The following IGF2BP3 variants were observed in gnomAD, a reference collection of about 807,000 sequenced individuals.
IGF2BP3 encodes the protein insulin like growth factor 2 mRNA binding protein 3.
Under a neutral mutation model 73.8 loss-of-function variants are expected in IGF2BP3, and 9 were observed. The observed-to-expected ratio is 0.12, with a 90% CI of 0.07 to 0.21. IGF2BP3 has a LOEUF of 0.21. Among genes scored for constraint, IGF2BP3 ranks in the 10% least tolerant of loss-of-function variants. IGF2BP3 has a pLI of 1.00. For synonymous variants in IGF2BP3, 258 were observed against 256.7 expected (o/e 1.01, Z -0.05); for missense variants, 542 against 714.0 (o/e 0.76, Z 2.75).
chr7:23,351,173 A>G, intron 6 of IGF2BP3, 132 bp downstream of exon 6: 1 of 889,194 alleles, frequency 1.1e-6, no homozygotes, highest in South Asian at 1.8e-5. Context: ...AGATTTTTAC[A>G]CATTCCCAAG....
At chr7:23,358,385 G>A (rs772167511) in intron 5 of IGF2BP3, among the ~76,000 whole-genome samples, 1 of 152,124 alleles carries the variant, frequency 6.6e-6, no homozygotes, top group African/African-American at 2.4e-5. Flanking sequence ...GGTGGCTACC[G>A]AGAAACATGG....
intron 3 of IGF2BP3, among the ~76,000 whole-genome samples, chr7:23,382,894 CAAAAAA>C (rs57466793): frequency 5.9e-4 from 29 of 49,116 alleles, no homozygotes; most frequent in African/African-American, 1.9e-3. Flanking sequence ...CTAGCTCTAC[CAAAAAA>C]AAAAAAAAAA....
At chr7:23,439,089 T>C (rs1323175934) in intron 2 of IGF2BP3, among the ~76,000 whole-genome samples, 1 of 151,810 alleles carries the variant, frequency 6.6e-6, no homozygotes, top group Non-Finnish European at 1.5e-5. Flanking sequence ...CAAAAATTTT[T>C]AAAACTAGCT....
intron 3 of IGF2BP3, among the ~76,000 whole-genome samples, chr7:23,392,031 T>C (rs1377884735): frequency 6.6e-6 from 1 of 152,124 alleles, no homozygotes; most frequent in Admixed American, 6.5e-5. Context: ...TAAAAGATAA[T>C]GCACCCAGAT....
intron 2 of IGF2BP3, among the ~76,000 whole-genome samples, chr7:23,449,662 A>G (rs1788151624): frequency 7.1e-6 from 1 of 141,226 alleles, no homozygotes; most frequent in South Asian, 2.2e-4. Flanking sequence ...GGCTGAAGGG[A>G]TTCTCGTGCC....
chr7:23,450,894 A>T (rs552759192), intron 2 of IGF2BP3, among the ~76,000 whole-genome samples: 46 of 151,838 alleles, frequency 3.0e-4, no homozygotes, highest in African/African-American at 1.1e-3. Context: ...TTAAAAAGGA[A>T]TTTTTTTTTA....
intron 2 of IGF2BP3, among the ~76,000 whole-genome samples, chr7:23,456,801 G>A (rs569870300): frequency 7.9e-5 from 12 of 152,332 alleles, no homozygotes; most frequent in African/African-American, 2.6e-4. Context: ...CGTAATCCCA[G>A]CACTTTGGGA....
intron 2 of IGF2BP3, among the ~76,000 whole-genome samples, chr7:23,430,387 A>G (rs1462322177): frequency 1.3e-5 from 2 of 152,212 alleles, no homozygotes; most frequent in Non-Finnish European, 2.9e-5. Context: ...TTCTTATGCA[A>G]AAAAACTGGA....
chr7:23,437,922 C>T (rs1177465720), intron 2 of IGF2BP3, among the ~76,000 whole-genome samples: 3 of 152,152 alleles, frequency 2.0e-5, no homozygotes, highest in Admixed American at 1.3e-4. Context: ...AAAGTCAAAA[C>T]GCAAGTCAAC....
rs1788685752 is a variant in IGF2BP3 at position 23,470,272 on chromosome 7, C to A, written c.-162G>T. The A allele has an allele frequency of 1.7e-5, 9 of 534,228 alleles. No individual in the cohort carries two copies. The highest frequency in any genetic ancestry group is 3.3e-6 in the Non-Finnish European group (1 of 306,222). 33.1% of individuals were successfully genotyped at this position (534,228 alleles called of 1,614,324 possible). A position where few individuals can be genotyped will look rare whatever the true frequency, so the allele number is the denominator to read the frequency against. On this transcript the variant is annotated 5_prime_UTR_variant, in exon 1 of 15. Transcript: ENST00000258729. ...AGCACAAGAACGAGGAGTGAAAAAT[C>A]AGATCCGAGGCTTGTTTTTTCCTTG...
At chr7:23,417,613 G>A (rs1353378466) in intron 3 of IGF2BP3, among the ~76,000 whole-genome samples, 2 of 152,036 alleles carry the variant, frequency 1.3e-5, no homozygotes, top group African/African-American at 4.8e-5. Context: ...CATCATACCA[G>A]ATGTAGCTCC....
rs771395175 is a variant in IGF2BP3, at chr7:23,345,931, A to G, written c.941+9T>C. On this transcript the variant is annotated intron_variant, in intron 8 of 14. Coordinates refer to ENST00000258729, the MANE Select transcript of IGF2BP3 (RefSeq NM_006547.3). ...AAGTTTTCTTATTCAAAAGCAAAGG[A>G]GCACTCACGGAGATATCGTGATTTT... The G allele has an allele frequency of 6.2e-7, 1 of 1,610,462 alleles. No individual in the cohort carries two copies. Among genetic ancestry groups the G allele is most frequent in the Non-Finnish European group, 8.5e-7 (1 of 1,179,612 alleles).
At chr7:23,355,066 A>G (rs1785057502) in intron 5 of IGF2BP3, among the ~76,000 whole-genome samples, 1 of 152,176 alleles carries the variant, frequency 6.6e-6, no homozygotes, top group South Asian at 2.1e-4. Flanking sequence ...CACGAGGAAA[A>G]AAAATTTTAG....
chr7:23,403,344 C>T (rs956269639), intron 3 of IGF2BP3, among the ~76,000 whole-genome samples: 1 of 152,196 alleles, frequency 6.6e-6, no homozygotes, highest in African/African-American at 2.4e-5. Flanking sequence ...AAACTCTGAT[C>T]ATGCCTAAGT....
intron 3 of IGF2BP3, among the ~76,000 whole-genome samples, chr7:23,397,191 G>T (rs1433850127): frequency 1.3e-5 from 2 of 152,038 alleles, no homozygotes; most frequent in Non-Finnish European, 2.9e-5. Context: ...CTGTTTTTTT[G>T]CGAGTTCAGA....
intron 5 of IGF2BP3, among the ~76,000 whole-genome samples, chr7:23,352,568 A>ATGAGC (rs958419594): frequency 1.3e-5 from 2 of 152,182 alleles, no homozygotes; most frequent in Admixed American, 6.5e-5. Context: ...GATTACAGGC[A>ATGAGC]TGAGCTACTG....
chr7:23,396,568 G>A (rs1455727448), intron 3 of IGF2BP3: 1 of 155,190 alleles, frequency 6.4e-6, no homozygotes, highest in Non-Finnish European at 1.4e-5. Context: ...TGCTACCATA[G>A]TGTTAAGTAT....
At chr7:23,361,816 A>G in intron 3 of IGF2BP3, 75 bp from the exon 4 acceptor site, 1 of 1,317,790 alleles carries the variant, frequency 7.6e-7, no homozygotes, top group Non-Finnish European at 1.1e-6. Context: ...TATGTCTTAA[A>G]ATCACTAAGT....
chr7:23,456,521 G>A (rs918335683), intron 2 of IGF2BP3, among the ~76,000 whole-genome samples: 6 of 152,144 alleles, frequency 3.9e-5, no homozygotes, highest in African/African-American at 1.4e-4. Context: ...TTAGCTATAA[G>A]GTATCAGAAC....
Sources: gnomAD v4.1 joint callset for allele counts (sites outside exome capture counted in the v4.1 genomes callset) on GRCh38, gnomAD v4.1.1 for gene constraint, MANE v1.5 for transcripts, NCBI Gene and HGNC (gene_info 2026-07-23, HGNC 2026-07-21) for gene names.